Variants in SLC6A7 observed in about 807,000 individuals in gnomAD.
The protein encoded by SLC6A7 is solute carrier family 6 member 7, also known as sodium-dependent proline transporter.
In SLC6A7, 58 loss-of-function variants were observed where a neutral mutation model predicts 73.1. That is an observed-to-expected ratio of 0.79 (90% confidence interval 0.64 to 0.99). The LOEUF (loss-of-function observed/expected upper bound fraction) is 0.99, where lower values mean the gene tolerates loss of function less well. SLC6A7 is among the 50% of genes least tolerant of loss of function. The pLI, the probability that SLC6A7 is intolerant of heterozygous loss-of-function variation, is 0.00. For synonymous variants in SLC6A7, 338 were observed against 338.7 expected (o/e 1.00, Z 0.02); for missense variants, 783 against 831.4 (o/e 0.94, Z 0.72).
At chr5:150,192,916 G>T (rs938129086) in intron 1 of SLC6A7, among the ~76,000 whole-genome samples, 1 of 152,168 alleles carries the variant, frequency 6.6e-6, no homozygotes, top group Non-Finnish European at 1.5e-5. Context: ...CATTCCTCCC[G>T]GAGCTCACCT....
chr5:150,193,490 C>A (rs1190347447), intron 1 of SLC6A7, among the ~76,000 whole-genome samples: 1 of 152,186 alleles, frequency 6.6e-6, no homozygotes, highest in African/African-American at 2.4e-5. Flanking sequence ...GTTTGACCCC[C>A]CCAGCCAAGC....
At position 150,190,273 on chromosome 5, in the gene SLC6A7, T is replaced by G; in HGVS notation, c.-55T>G. On this transcript the variant is annotated 5_prime_UTR_variant, in exon 1 of 14. Coordinates refer to ENST00000230671, the MANE Select transcript of SLC6A7 (RefSeq NM_014228.5). Reference sequence around the variant, plus strand: ...GCAGTGGCCAGCGGACCATCTCTCGTGCCCTCGCTCTCTGCGCTCCGGGGC... The same window carrying G: ...GCAGTGGCCAGCGGACCATCTCTCGGGCCCTCGCTCTCTGCGCTCCGGGGC... The G allele has an allele frequency of 6.9e-7, 1 of 1,455,668 alleles. No individual in the cohort carries two copies. Among genetic ancestry groups the G allele is most frequent in the South Asian group, 1.3e-5 (1 of 78,688 alleles). The allele number at this position is 1,455,668 out of a possible 1,614,324, so 90.2% of individuals were successfully genotyped here.
intron 1 of SLC6A7, among the ~76,000 whole-genome samples, chr5:150,192,102 C>A (rs374742287): frequency 9.9e-5 from 15 of 151,764 alleles, no homozygotes; most frequent in African/African-American, 3.6e-4. Flanking sequence ...CAGAATTGGG[C>A]GGGAATGAGA....
intron 6 of SLC6A7, among the ~76,000 whole-genome samples, chr5:150,201,548 C>G (rs764111525): frequency 6.6e-6 from 1 of 152,048 alleles, no homozygotes; most frequent in Non-Finnish European, 1.5e-5. Context: ...TCCAAGAATA[C>G]GATATATTGT....
chr5:150,192,580 G>A (rs926886535), intron 1 of SLC6A7, among the ~76,000 whole-genome samples: 1 of 152,232 alleles, frequency 6.6e-6, no homozygotes, highest in Non-Finnish European at 1.5e-5. Flanking sequence ...TTCACCCCAT[G>A]GTGGGGTTGG....
chr5:150,202,238 C>A, intron 6 of SLC6A7, 109 bp from the exon 7 acceptor site: 3 of 766,416 alleles, frequency 3.9e-6, no homozygotes, highest in Non-Finnish European at 6.9e-6. Context: ...ACCACGCCAT[C>A]CCTCGTGACC....
chr5:150,190,326 A>G lies in SLC6A7; in HGVS notation c.-2A>G. ...CTGAGCCCCGGCCACCCGCTCTCCA[A>G]GATGAAGAAGCTCCAGGGAGCTCAC... On this transcript the variant is annotated 5_prime_UTR_variant, in exon 1 of 14. Coordinates refer to ENST00000230671, the MANE Select transcript of SLC6A7 (RefSeq NM_014228.5). 1.3e-6 allele frequency: 2 copies of G among 1,512,100 alleles called. 1 individual carries two copies. The highest frequency in any genetic ancestry group is 2.5e-5 in the South Asian group (2 of 80,570). 93.7% of individuals were successfully genotyped at this position (1,512,100 alleles called of 1,614,324 possible).
In SLC6A7 at chr5:150,197,270, A is replaced by G; in HGVS notation, c.578A>G (p.Tyr193Cys). The G allele has an allele frequency of 6.3e-7, 1 of 1,599,902 alleles. No homozygotes were observed. Among genetic ancestry groups the G allele is most frequent in the South Asian group, 1.1e-5 (1 of 89,334 alleles). Reference protein sequence around the residue: ...LTCTVSPSEEYWSRYVLHIQG... With the variant: ...LTCTVSPSEECWSRYVLHIQG... ...TGCACCGTCAGCCCCAGCGAGGAGT[A>G]CTGGAGGTCAGGCAGCTGCTGGCCC... Residue 193 changes from tyrosine to cysteine, a missense_variant, in exon 4 of 14, where the codon TAC becomes TGC. Tyr to Cys is a radical substitution (Grantham distance 194). Transcript: ENST00000230671.
intron 1 of SLC6A7, 136 bp downstream of exon 1, chr5:150,190,496 TG>T: frequency 1.8e-6 from 1 of 570,544 alleles, no homozygotes; most frequent in South Asian, 2.5e-5. Context: ...CCGACTCAGC[TG>T]GATAACAGGG....
At chr5:150,203,802 G>A in intron 9 of SLC6A7, 23 bp downstream of exon 9, 2 of 1,523,218 alleles carry the variant, frequency 1.3e-6, no homozygotes, top group Non-Finnish European at 1.8e-6. Context: ...TGTGGCAGCA[G>A]GCACCCCGTG....
chr5:150,201,287 G>T, intron 6 of SLC6A7, 64 bp downstream of exon 6: 1 of 1,390,428 alleles, frequency 7.2e-7, no homozygotes, highest in African/African-American at 1.5e-5. Flanking sequence ...TGGAAAGAGG[G>T]CTCCCTGGGA....
chr5:150,201,017 A>G, intron 5 of SLC6A7, 72 bp from the exon 6 acceptor site: 4 of 1,548,930 alleles, frequency 2.6e-6, no homozygotes, highest in Non-Finnish European at 3.6e-6. Context: ...CAAGTGACAC[A>G]GATGAGTTTA....
intron 6 of SLC6A7, among the ~76,000 whole-genome samples, chr5:150,201,442 G>C (rs1753378079): frequency 6.6e-6 from 1 of 151,998 alleles, no homozygotes; most frequent in African/African-American, 2.4e-5. Context: ...TATGTACCTG[G>C]GGGAACTGTT....
chr5:150,190,919 G>A (rs1752753178), intron 1 of SLC6A7, among the ~76,000 whole-genome samples: 1 of 152,220 alleles, frequency 6.6e-6, no homozygotes. Context: ...GCAAAGACAG[G>A]GAGGGGGCTA....
intron 13 of SLC6A7, 140 bp from the exon 14 acceptor site, chr5:150,209,266 C>T (rs967622597): frequency 7.2e-6 from 5 of 699,200 alleles, no homozygotes; most frequent in African/African-American, 5.3e-5. Context: ...GTCATAGTGC[C>T]CCCCACTTCC....
rs138641008 is a variant in SLC6A7 at position 150,203,594 on chromosome 5, G to A, written c.1088-73G>A. 5.2e-4 allele frequency: 400 copies of A among 767,752 alleles called. 2 individuals are homozygous for A. The African/African-American group carries it at 5.6e-3, about 11-fold the overall frequency. The allele number at this position is 767,752 out of a possible 1,614,324, so 47.6% of individuals were successfully genotyped here. A position where few individuals can be genotyped will look rare whatever the true frequency, so the allele number is the denominator to read the frequency against. On this transcript the variant is annotated intron_variant, in intron 8 of 13. Transcript: ENST00000230671. The stretch of plus-strand genomic sequence containing the variant: ...ATGGCCCAAATGAGTGTAAGTGGCC[G>A]TGTGTGTCTGAGTGTGCGTATGGGA...
intron 1 of SLC6A7, among the ~76,000 whole-genome samples, chr5:150,193,861 G>C (rs937237377): frequency 6.6e-6 from 1 of 152,184 alleles, no homozygotes; most frequent in African/African-American, 2.4e-5. Flanking sequence ...CCTGGCTTTC[G>C]CATCAGGAAG....
At position 150,209,438 on chromosome 5, in the gene SLC6A7, C is replaced by A. The variant is rs766362022; in HGVS notation, c.1734C>A (p.Asp578Glu). 1.9e-6 allele frequency: 3 copies of A among 1,613,994 alleles called. No homozygotes were observed. The highest frequency in any genetic ancestry group is 2.5e-6 in the Non-Finnish European group (3 of 1,180,040). Residue 578 changes from aspartate to glutamate, a missense_variant, in exon 14 of 14, where the codon GAC becomes GAA. Asp to Glu is a conservative substitution (Grantham distance 45). Coordinates refer to ENST00000230671, the MANE Select transcript of SLC6A7 (RefSeq NM_014228.5). ...AACAGGCCAGCCGGCCGGCCATGGACTGGGGACCATCGCTGGAGGAGAACC... is the reference window on the plus strand; with the variant it reads ...AACAGGCCAGCCGGCCGGCCATGGAATGGGGACCATCGCTGGAGGAGAACC... Reference protein sequence around the residue: ...RLQQASRPAMDWGPSLEENRT... With the variant: ...RLQQASRPAMEWGPSLEENRT...
Position 150,205,573 on chromosome 5 carries a change from C to T in SLC6A7, c.1651C>T (p.Pro551Ser). 1 of 1,613,630 alleles carries T rather than the reference C, an allele frequency of 6.2e-7. No homozygotes were observed. The highest frequency in any genetic ancestry group is 8.5e-7 in the Non-Finnish European group (1 of 1,179,830). ...LMGLLSCLMI[P>S]AGMLVAVLRE... ...GGGCCTGCTGTCCTGCCTCATGATC[C>T]CAGCTGGCATGCTGGTGGCTGTGCT... The change falls in exon 13 of 14, where the codon CCA becomes TCA. Residue 551 changes from proline to serine, a missense_variant. Coordinates refer to ENST00000230671, the MANE Select transcript of SLC6A7 (RefSeq NM_014228.5).
Sources: allele counts gnomAD v4.1 joint callset (sites outside exome capture counted in the v4.1 genomes callset), GRCh38; gene constraint gnomAD v4.1.1; transcripts MANE v1.5; gene names NCBI Gene and HGNC (gene_info 2026-07-23, HGNC 2026-07-21).